The following ABCC2 variants were observed in gnomAD, a reference collection of about 807,000 sequenced individuals.
ABCC2 encodes ATP-binding cassette sub-family C member 2.
In ABCC2, 157 loss-of-function variants were observed where a neutral mutation model predicts 173.4. The ratio of observed to expected loss-of-function variants is 0.91; its 90% confidence interval spans 0.80 to 1.03. ABCC2 has a LOEUF of 1.03. ABCC2 is among the 50% of genes least tolerant of loss of function. The pLI, the probability that ABCC2 is intolerant of heterozygous loss-of-function variation, is 0.00. For missense variants in ABCC2, 1,822 were observed against 1,852.3 expected, an observed-to-expected ratio of 0.98 and a Z score of 0.30; for synonymous variants, 657 against 693.5, an observed-to-expected ratio of 0.95 and a Z score of 0.83.
chr10:99,816,258 G>A (rs958140513), intron 16 of ABCC2, among the ~76,000 whole-genome samples: 2 of 151,418 alleles, frequency 1.3e-5, no homozygotes, highest in Non-Finnish European at 2.9e-5. Context: ...GAGCCACCGC[G>A]CCCGGCCTCC....
chr10:99,815,502 G>GA (rs565754648), intron 16 of ABCC2, among the ~76,000 whole-genome samples: 138 of 150,972 alleles, frequency 9.1e-4, no homozygotes, highest in African/African-American at 2.1e-3. Flanking sequence ...GGCTAATTAT[G>GA]CTTTTTTTTT....
chr10:99,807,473 T>G lies in ABCC2; in HGVS notation c.1620T>G (p.Ser540Arg), dbSNP rs768003791. The G allele has an allele frequency of 2.5e-6, 4 of 1,614,152 alleles. No homozygotes were observed. In the Admixed American group the frequency reaches 5.0e-5, roughly 20 times the overall value. The change falls in exon 12 of 32, where the codon AGT (serine) becomes AGG (arginine). Residue 540 changes from serine to arginine, a missense_variant. Coordinates refer to ENST00000647814, the MANE Select transcript of ABCC2 (RefSeq NM_000392.5). ...AGCTCAAGAACCTGCTGGCCTTTAG[T>G]CAACTACAGTGTGTAGTAATATTCG... is the stretch of plus-strand genomic sequence containing the variant. Reference protein sequence around the residue: ...KKELKNLLAFSQLQCVVIFVF... With the variant: ...KKELKNLLAFRQLQCVVIFVF...
At chr10:99,845,552 A>G (rs1292270647) in intron 28 of ABCC2, 72 bp from the exon 29 acceptor site, 1 of 1,580,620 alleles carries the variant, frequency 6.3e-7, no homozygotes, top group African/African-American at 1.3e-5. Flanking sequence ...TGTGACTGTG[A>G]ATGCCCAGGC....
In ABCC2 at chr10:99,836,127, C is replaced by T. The variant is rs769064396; in HGVS notation, c.3451C>T (p.Leu1151=). ...GTCTACCTCCCGCCAGCTGAGGCGT[C>T]TGGACTCTGTCACCAGGTCCCCAAT... is the stretch of plus-strand genomic sequence containing the variant. ...YVSTSRQLRR[L]DSVTRSPIYS... is the part of the protein sequence containing the mutation. The change falls in exon 25 of 32, where the codon CTG becomes TTG. Residue 1151 remains leucine (L), a synonymous_variant. Coordinates refer to ENST00000647814, the MANE Select transcript of ABCC2 (RefSeq NM_000392.5). 6.8e-6 allele frequency: 11 copies of T among 1,614,148 alleles called. No homozygotes were observed. The highest frequency in any genetic ancestry group is 9.3e-6 in the Non-Finnish European group (11 of 1,180,040).
At chr10:99,836,013 G>C (rs1054392097) in intron 24 of ABCC2, 78 bp from the exon 25 acceptor site, 1 of 1,428,840 alleles carries the variant, frequency 7.0e-7, no homozygotes, top group Non-Finnish European at 9.8e-7. Context: ...AAGAATGCTG[G>C]GTTGTGGCCA....
In ABCC2 at chr10:99,793,780, G is replaced by A. The variant is rs895515064; in HGVS notation, c.468+95G>A. The A allele has an allele frequency of 2.5e-6, 4 of 1,583,516 alleles. No homozygotes were observed. The African/African-American group carries it at 4.0e-5, about 16-fold the overall frequency. ...TCAAGTTGAGCTCCAGGATCGAATT[G>A]TATTAGAGGGATTTGATCATAGGCT... On this transcript the variant is annotated intron_variant, in intron 4 of 31. Transcript: ENST00000647814.
intron 17 of ABCC2, among the ~76,000 whole-genome samples, chr10:99,818,513 A>G (rs1253045848): frequency 2.0e-5 from 3 of 152,380 alleles, no homozygotes; most frequent in African/African-American, 7.2e-5. Context: ...TGAACAAAAT[A>G]GAAAAAACCT....
chr10:99,841,875 A>C lies in ABCC2; in HGVS notation c.3615-92A>C, dbSNP rs2038951062. On this transcript the variant is annotated intron_variant, in intron 25 of 31. Coordinates refer to ENST00000647814, the MANE Select transcript of ABCC2 (RefSeq NM_000392.5). ...TAAGAGTGCGGCCCGATCAAGTCAAACCCTCTGAGAATGTTCTGTGAACGC... is the reference window on the plus strand; with the variant it reads ...TAAGAGTGCGGCCCGATCAAGTCAACCCCTCTGAGAATGTTCTGTGAACGC... 4.4e-6 allele frequency: 7 copies of C among 1,590,480 alleles called. No homozygotes were observed. The Admixed American group carries it at 1.2e-4, about 27-fold the overall frequency.
chr10:99,846,253 CA>C (rs2039015622), intron 29 of ABCC2, among the ~76,000 whole-genome samples: 1 of 152,230 alleles, frequency 6.6e-6, no homozygotes, highest in Admixed American at 6.5e-5. Flanking sequence ...TGGATCCTGC[CA>C]GATAAGGACT....
chr10:99,789,959 T>C (rs2037785869), intron 2 of ABCC2, among the ~76,000 whole-genome samples: 1 of 152,228 alleles, frequency 6.6e-6, no homozygotes, highest in Non-Finnish European at 1.5e-5. Flanking sequence ...TTCTTTGTAA[T>C]GATTCCTTGA....
chr10:99,851,246 C>A (rs1042353676), intron 31 of ABCC2, among the ~76,000 whole-genome samples: 2 of 152,204 alleles, frequency 1.3e-5, no homozygotes, highest in Admixed American at 6.5e-5. Context: ...CCAATCTATC[C>A]TTAAACAATG....
Position 99,831,200 on chromosome 10 carries a change from C to T in ABCC2, c.2883+349C>T, listed in dbSNP as rs562735064. Among the ~76,000 whole-genome samples, 4 of 152,270 alleles carry T rather than the reference C, an allele frequency of 2.6e-5. No homozygotes were observed. The South Asian group carries it at 8.3e-4, about 32-fold the overall frequency. ...AAGGTCGGCAGTAGAACCCCATCAT[C>T]TGTTCCACTCTGATTTTTTGTTTGT... On this transcript the variant is annotated intron_variant, in intron 21 of 31. Transcript: ENST00000647814.
Position 99,841,917 on chromosome 10 carries a change from G to A in ABCC2, c.3615-50G>A, listed in dbSNP as rs773190529. 4 of 1,613,584 alleles carry A rather than the reference G, an allele frequency of 2.5e-6. No individual in the cohort carries two copies. The African/African-American group carries it at 5.3e-5, about 22-fold the overall frequency. ...TGTGAACGCCAAGGTTGCTGGTTAA[G>A]ATGAGGACGTGATCAGTGACACGCA... On this transcript the variant is annotated intron_variant, in intron 25 of 31. Transcript: ENST00000647814.
intron 6 of ABCC2, among the ~76,000 whole-genome samples, chr10:99,796,459 G>A (rs1419443811): frequency 6.6e-6 from 1 of 152,052 alleles, no homozygotes; most frequent in African/African-American, 2.4e-5. Flanking sequence ...AGCCGAGGTC[G>A]CGCCACTGCA....
chr10:99,851,697 A>C lies in ABCC2; in HGVS notation c.*66A>C. 1 of 1,434,500 alleles carries C rather than the reference A, an allele frequency of 7.0e-7. No individual in the cohort carries two copies. Among genetic ancestry groups the C allele is most frequent in the Non-Finnish European group, 9.5e-7 (1 of 1,048,480 alleles). 88.9% of individuals were successfully genotyped at this position (1,434,500 alleles called of 1,614,324 possible). A position where few individuals can be genotyped will look rare whatever the true frequency, so the allele number is the denominator to read the frequency against. ...TTCTTATTTAATTTTATTTTTTATA[A>C]AATACAGAATACATACAAAAGTGTG... On this transcript the variant is annotated 3_prime_UTR_variant, in exon 32 of 32. Transcript: ENST00000647814.
chr10:99,799,082 C>A, intron 7 of ABCC2, 125 bp from the exon 8 acceptor site: 2 of 1,020,934 alleles, frequency 2.0e-6, no homozygotes, highest in South Asian at 1.4e-5. Flanking sequence ...AGCAACTAGG[C>A]CAGGGAGAGA....
chr10:99,818,745 T>C, intron 17 of ABCC2, 45 bp from the exon 18 acceptor site: 1 of 1,606,344 alleles, frequency 6.2e-7, no homozygotes. Context: ...TCTGTGAAGG[T>C]GGATCTAGGG....
At chr10:99,806,832 A>G (rs2038115811) in intron 11 of ABCC2, among the ~76,000 whole-genome samples, 1 of 152,196 alleles carries the variant, frequency 6.6e-6, no homozygotes, top group South Asian at 2.1e-4. Context: ...ACATTATCCT[A>G]AACTTCTTAA....
rs1227983852 is a variant in ABCC2 at position 99,830,492 on chromosome 10, TC to T, written c.2747+60del. ...GCTCTATATTTCCACTTGATCTTTT[TC>T]TTTTTCTTCCTGGGCTTTTCCTGTG... On this transcript the variant is annotated intron_variant, in intron 20 of 31. Coordinates refer to ENST00000647814, the MANE Select transcript of ABCC2 (RefSeq NM_000392.5). 7 of 1,612,900 alleles carry T rather than the reference TC, an allele frequency of 4.3e-6. No homozygotes were observed. The East Asian group carries it at 1.6e-4, about 36-fold the overall frequency.
Sources: gnomAD v4.1 joint callset for allele counts (sites outside exome capture counted in the v4.1 genomes callset) on GRCh38, gnomAD v4.1.1 for gene constraint, MANE v1.5 for transcripts, NCBI Gene and HGNC (gene_info 2026-07-23, HGNC 2026-07-21) for gene names.